WNK1: variants seen among roughly 807,000 people sequenced by gnomAD.
WNK1 encodes the protein serine/threonine-protein kinase WNK1.
In WNK1, 38 loss-of-function variants were observed where a neutral mutation model predicts 222.8. The ratio of observed to expected loss-of-function variants is 0.17; its 90% CI spans 0.13 to 0.22. WNK1 has a LOEUF of 0.22. Ranked by LOEUF, WNK1 falls within the 10% of genes least tolerant of loss-of-function variation. WNK1 has a pLI of 1.00. For missense variants in WNK1, 2,348 were observed against 2,918.4 expected, an observed-to-expected ratio of 0.80 and a Z score of 4.50; for synonymous variants, 1,090 against 1,092.9, an observed-to-expected ratio of 1.00 and a Z score of 0.05.
intron 2 of WNK1, among the ~76,000 whole-genome samples, chr12:821,837 G>A (rs914702880): frequency 2.0e-5 from 3 of 151,718 alleles, no homozygotes; most frequent in African/African-American, 7.3e-5. Flanking sequence ...TATTAGTTTT[G>A]CTACCTCACC....
chr12:899,899 G>A (rs1009051115), intron 25 of WNK1, among the ~76,000 whole-genome samples: 1 of 151,904 alleles, frequency 6.6e-6, no homozygotes, highest in African/African-American at 2.4e-5. Context: ...TGGAATCTGG[G>A]TATCCACTAG....
chr12:883,681 A>G lies in WNK1; in HGVS notation c.3664-93A>G, dbSNP rs1472768855. 4.4e-6 allele frequency: 7 copies of G among 1,598,118 alleles called. No homozygotes were observed. In the East Asian group the frequency reaches 1.3e-4, roughly 31 times the overall value. ...CACCTGACACCCATGACCGACAACA[A>G]ACTTTTATGTTCTCTTCACATGTGG... On this transcript the variant is annotated intron_variant, in intron 16 of 27. Coordinates refer to ENST00000315939, the MANE Select transcript of WNK1 (RefSeq NM_018979.4).
At chr12:860,956 G>A in intron 6 of WNK1, 57 bp from the exon 7 acceptor site, 9 of 1,504,498 alleles carry the variant, frequency 6.0e-6, no homozygotes, top group Non-Finnish European at 8.2e-6. Flanking sequence ...GGGTGGTGGT[G>A]GGGGGTGTTG....
rs1955864100 is a variant in WNK1 at position 908,230 on chromosome 12, A to G, written c.6831+196A>G. On this transcript the variant is annotated intron_variant, in intron 27 of 27. Transcript: ENST00000315939. ...TCCTAACCTCTTGTTGGTCAGCTCAACTTTTTCTTCTTCGTTTTTCCTTCG... is the reference window on the plus strand; with the variant it reads ...TCCTAACCTCTTGTTGGTCAGCTCAGCTTTTTCTTCTTCGTTTTTCCTTCG... The G allele has an allele frequency of 3.7e-6, 3 of 821,378 alleles. No individual in the cohort carries two copies. The East Asian group carries it at 8.0e-5, about 22-fold the overall frequency. The allele number at this position is 821,378 out of a possible 1,614,324, so 50.9% of individuals were successfully genotyped here. A position where few individuals can be genotyped will look rare whatever the true frequency, so the allele number is the denominator to read the frequency against.
At chr12:903,061 GTAGTGACTAGATT>G (rs1160498086) in intron 26 of WNK1, among the ~76,000 whole-genome samples, 2 of 152,182 alleles carry the variant, frequency 1.3e-5, no homozygotes, top group African/African-American at 4.8e-5. Flanking sequence ...TTTGTTCTCT[GTAGTGACTAGATT>G]TAAAGCGAAG....
intron 10 of WNK1, among the ~76,000 whole-genome samples, chr12:879,073 G>T (rs909365224): frequency 6.6e-6 from 1 of 152,112 alleles, no homozygotes; most frequent in Non-Finnish European, 1.5e-5. Flanking sequence ...TGAAATATGT[G>T]AATTATACCA....
At chr12:832,946 A>G (rs1228447110) in intron 4 of WNK1, among the ~76,000 whole-genome samples, 2 of 151,862 alleles carry the variant, frequency 1.3e-5, no homozygotes, top group South Asian at 2.1e-4. Context: ...GTTCTGTATC[A>G]TCATTCCCAG....
intron 8 of WNK1, chr12:869,296 A>G: frequency 1.4e-6 from 1 of 723,466 alleles, no homozygotes; most frequent in Non-Finnish European, 2.3e-6. Flanking sequence ...GAGAGAAGCT[A>G]CCTGATTTAC....
At chr12:852,640 T>G (rs1378611449) in intron 4 of WNK1, among the ~76,000 whole-genome samples, 1 of 152,204 alleles carries the variant, frequency 6.6e-6, no homozygotes, top group South Asian at 2.1e-4. Flanking sequence ...TCTTTTATCA[T>G]GAAAACATCT....
intron 1 of WNK1, among the ~76,000 whole-genome samples, chr12:782,011 T>G (rs904845875): frequency 6.6e-6 from 1 of 152,216 alleles, no homozygotes; most frequent in Non-Finnish European, 1.5e-5. Context: ...CTTCTAAGGC[T>G]TTTTCTTCAT....
At chr12:865,017 C>G in intron 8 of WNK1, 3 of 1,397,908 alleles carry the variant, frequency 2.1e-6, no homozygotes, top group Non-Finnish European at 2.8e-6. Flanking sequence ...TGGAACATTT[C>G]TTCATGCAAC....
intron 1 of WNK1, among the ~76,000 whole-genome samples, chr12:808,642 CCT>C (rs565412807): frequency 4.7e-4 from 71 of 152,106 alleles, no homozygotes; most frequent in Non-Finnish European, 8.4e-4. Flanking sequence ...GTGGAGAGAA[CCT>C]CTTAGACTCC....
intron 1 of WNK1, among the ~76,000 whole-genome samples, chr12:791,740 T>C (rs1944863100): frequency 6.6e-6 from 1 of 152,232 alleles, no homozygotes; most frequent in Admixed American, 6.5e-5. Context: ...GCTTAAAATA[T>C]ATGACATTAA....
In WNK1 at chr12:868,858, A is replaced by G. The variant is rs1321348637; in HGVS notation, c.2140-2407A>G. On this transcript the variant is annotated intron_variant, in intron 8 of 27. Coordinates refer to ENST00000315939, the MANE Select transcript of WNK1 (RefSeq NM_018979.4). Reference sequence around the variant, plus strand: ...AGCCTATCGGACAGAACTGGCCAATAGGAAGCCCAGAATATTCCAGTGATT... The same window carrying G: ...AGCCTATCGGACAGAACTGGCCAATGGGAAGCCCAGAATATTCCAGTGATT... 5 of 1,613,472 alleles carry G rather than the reference A, an allele frequency of 3.1e-6. No individual in the cohort carries two copies. In the South Asian group the frequency reaches 3.3e-5, roughly 11 times the overall value.
chr12:903,493 T>C (rs938789423), intron 26 of WNK1, among the ~76,000 whole-genome samples: 16 of 152,202 alleles, frequency 1.1e-4, no homozygotes, highest in African/African-American at 3.9e-4. Flanking sequence ...GTCTACAGCC[T>C]GAAGTGTCTG....
chr12:828,950 A>G (rs1024145731), intron 3 of WNK1, among the ~76,000 whole-genome samples: 1 of 152,198 alleles, frequency 6.6e-6, no homozygotes, highest in African/African-American at 2.4e-5. Context: ...TCTCCTTGGA[A>G]TATTATGTAA....
intron 1 of WNK1, among the ~76,000 whole-genome samples, chr12:808,510 T>C (rs75977934): frequency 6.6e-6 from 1 of 152,086 alleles, no homozygotes; most frequent in Non-Finnish European, 1.5e-5. Context: ...GTTTTTTTTT[T>C]CTTTTTGTGG....
rs984663890 is a variant in WNK1 at position 909,417 on chromosome 12, AAAATT to A, written c.*628_*632del. Reference sequence around the variant, plus strand: ...CAGCATTAGCAATTAGGAAAAAAAAAAAATTAAGTTCCCTGCGGACATGTAACTTT... The same window carrying A: ...CAGCATTAGCAATTAGGAAAAAAAAAAAGTTCCCTGCGGACATGTAACTTT... On this transcript the variant is annotated 3_prime_UTR_variant, in exon 28 of 28. Coordinates refer to ENST00000315939, the MANE Select transcript of WNK1 (RefSeq NM_018979.4). 9 of 152,478 alleles carry A rather than the reference AAAATT, an allele frequency of 5.9e-5. No homozygotes were observed. Among genetic ancestry groups the A allele is most frequent in the African/African-American group, 2.2e-4 (9 of 41,442 alleles). 9.4% of individuals were successfully genotyped at this position (152,478 alleles called of 1,614,324 possible).
At position 897,550 on chromosome 12, in the gene WNK1, G is replaced by C. The variant is rs1238127491; in HGVS notation, c.6317G>C (p.Gly2106Ala). 3.1e-6 allele frequency: 5 copies of C among 1,613,758 alleles called. No individual in the cohort carries two copies. The highest frequency in any genetic ancestry group is 4.2e-6 in the Non-Finnish European group (5 of 1,179,628). ...ATTGAATCTTTGTATACCAAACTGG[G>C]CAAGGTGCCCCCTGCTGTTATTATT... ...HEIESLYTKL[G>A]KVPPAVIIPP... The change falls in exon 25 of 28, where the codon GGC (glycine) becomes GCC (alanine). Residue 2106 changes from glycine to alanine, a missense_variant. Physicochemically the swap from Gly to Ala is moderately conservative, Grantham distance 60 (BLOSUM62 0). Transcript: ENST00000315939.
Sources: gnomAD v4.1 joint callset for allele counts (sites outside exome capture counted in the v4.1 genomes callset) on GRCh38, gnomAD v4.1.1 for gene constraint, MANE v1.5 for transcripts, NCBI Gene and HGNC (gene_info 2026-07-23, HGNC 2026-07-21) for gene names.